Variants in NRXN3 observed in about 807,000 individuals in gnomAD.
The protein encoded by NRXN3 is neurexin III.
A neutral mutation model predicts 137.6 loss-of-function variants in NRXN3; 32 were observed. The ratio of observed to expected loss-of-function variants is 0.23; its 90% CI spans 0.18 to 0.31. NRXN3 has a LOEUF of 0.31. Ranked by LOEUF, NRXN3 falls within the 10% of genes least tolerant of loss-of-function variation. NRXN3 has a pLI of 1.00. For synonymous variants in NRXN3, 798 were observed against 784.5 expected, an observed-to-expected ratio of 1.02 and a Z score of -0.29; for missense variants, 1,574 against 2,062.5, an observed-to-expected ratio of 0.76 and a Z score of 4.59.
At position 78,775,679 on chromosome 14, in the gene NRXN3, G is replaced by T. The variant is rs75514028; in HGVS notation, c.2045-27941G>T. ...TGATGTGGAAAATAACTAATTGTGG[G>T]TTATATCATAAACTATTCTCTTTTT... On this transcript the variant is annotated intron_variant, in intron 8 of 20. Coordinates refer to ENST00000335750, the MANE Select transcript of NRXN3 (RefSeq NM_001330195.2). 3.5e-3 allele frequency among the ~76,000 whole-genome samples: 527 copies of T among 152,226 alleles called. 17 individuals are homozygous for T. The East Asian group carries it at 0.059, about 17-fold the overall frequency.
At chr14:78,521,461 A>G (rs1006418964) in intron 4 of NRXN3, among the ~76,000 whole-genome samples, 1 of 152,210 alleles carries the variant, frequency 6.6e-6, no homozygotes, top group African/African-American at 2.4e-5. Context: ...AGTCACATAT[A>G]CAGAGAGCTA....
At position 78,812,725 on chromosome 14, in the gene NRXN3, C is replaced by T. The variant is rs185804945; in HGVS notation, c.2275+2381C>T. ...AAAATATGTCAGCAAAGTTATATTC[C>T]CAGCTTTGATCACAAAGTATAGAAA... On this transcript the variant is annotated intron_variant, in intron 10 of 20. Transcript: ENST00000335750. Among the ~76,000 whole-genome samples, 4 of 152,206 alleles carry T rather than the reference C, an allele frequency of 2.6e-5. No homozygotes were observed. In the East Asian group the frequency reaches 7.7e-4, roughly 29 times the overall value.
At chr14:79,467,195 G>A in intron 15 of NRXN3, 26 bp from the exon 16 acceptor site, 1 of 1,580,412 alleles carries the variant, frequency 6.3e-7, no homozygotes, top group Non-Finnish European at 8.7e-7. Flanking sequence ...GTGCCTTGAT[G>A]TCTCCCTCTC....
chr14:78,331,510 G>A lies in NRXN3; in HGVS notation c.757+33650G>A, dbSNP rs527739299. On this transcript the variant is annotated intron_variant, in intron 4 of 20. Coordinates refer to ENST00000335750, the MANE Select transcript of NRXN3 (RefSeq NM_001330195.2). ...GGGGGCAGAGAACGTGGCCGCATGAGGTAGCTCCAATCTCAGCAACATAAA... is the reference window on the plus strand; with the variant it reads ...GGGGGCAGAGAACGTGGCCGCATGAAGTAGCTCCAATCTCAGCAACATAAA... 2.8e-4 allele frequency among the ~76,000 whole-genome samples: 43 copies of A among 152,288 alleles called. 1 individual carries two copies. The South Asian group carries it at 8.9e-3, about 32-fold the overall frequency.
At chr14:78,391,741 T>A (rs1434672193) in intron 4 of NRXN3, among the ~76,000 whole-genome samples, 1 of 152,216 alleles carries the variant, frequency 6.6e-6, no homozygotes, top group Non-Finnish European at 1.5e-5. Context: ...GCAAAGGAAT[T>A]ATTTTAAAAG....
At chr14:79,301,673 G>T (rs533750163) in intron 15 of NRXN3, among the ~76,000 whole-genome samples, 29 of 152,050 alleles carry the variant, frequency 1.9e-4, no homozygotes, top group African/African-American at 6.7e-4. Flanking sequence ...AATCATTTGG[G>T]CTTGCAGAAA....
intron 19 of NRXN3, among the ~76,000 whole-genome samples, chr14:79,795,572 C>T (rs561144973): frequency 1.5e-4 from 23 of 152,284 alleles, no homozygotes; most frequent in Middle Eastern, 3.4e-3. Flanking sequence ...ATAGTTCTGT[C>T]TCAAACTTAC....
At chr14:78,861,332 C>CTA (rs1361031935) in intron 10 of NRXN3, among the ~76,000 whole-genome samples, 1 of 152,108 alleles carries the variant, frequency 6.6e-6, no homozygotes, top group Non-Finnish European at 1.5e-5. Context: ...TTTCTATTAT[C>CTA]TATATATACC....
At chr14:78,445,800 C>T (rs1259745996) in intron 4 of NRXN3, among the ~76,000 whole-genome samples, 2 of 152,112 alleles carry the variant, frequency 1.3e-5, no homozygotes, top group Non-Finnish European at 2.9e-5. Flanking sequence ...GGTCTCTTCT[C>T]AATGGAATAA....
rs1467425225 is a variant in NRXN3 at position 78,517,052 on chromosome 14, T to A, written c.758-128068T>A. Reference sequence around the variant, plus strand: ...TATGGAGTACAGAGAAGTTGATGGCTTCAGGCACAAGTGAGAAAGTATTTT... The same window carrying A: ...TATGGAGTACAGAGAAGTTGATGGCATCAGGCACAAGTGAGAAAGTATTTT... On this transcript the variant is annotated intron_variant, in intron 4 of 20. Transcript: ENST00000335750. Among the ~76,000 whole-genome samples, 7 of 152,268 alleles carry A rather than the reference T, an allele frequency of 4.6e-5. 1 individual carries two copies. The East Asian group carries it at 1.4e-3, about 29-fold the overall frequency.
At chr14:79,801,627 C>T (rs2099181407) in intron 19 of NRXN3, among the ~76,000 whole-genome samples, 1 of 152,164 alleles carries the variant, frequency 6.6e-6, no homozygotes, top group African/African-American at 2.4e-5. Context: ...TGTCTAGGGC[C>T]AGGCCCATTC....
chr14:79,769,707 T>C (rs1194955285), intron 19 of NRXN3, among the ~76,000 whole-genome samples: 2 of 149,534 alleles, frequency 1.3e-5, no homozygotes, highest in Non-Finnish European at 3.0e-5. Flanking sequence ...AGGAAGAAAC[T>C]GCATCAACTA....
At position 78,471,761 on chromosome 14, in the gene NRXN3, C is replaced by T. The variant is rs554934471; in HGVS notation, c.758-173359C>T. ...GTATAATTCTGTAGATCAGCTACCC[C>T]CCTAGAAAGTACTAAGGTAAATTTA... On this transcript the variant is annotated intron_variant, in intron 4 of 20. Transcript: ENST00000335750. Among the ~76,000 whole-genome samples the T allele has an allele frequency of 1.6e-4, 25 of 152,186 alleles. 1 individual carries two copies. The South Asian group carries it at 4.4e-3, about 27-fold the overall frequency.
intron 20 of NRXN3, chr14:79,854,276 T>A (rs906330445): frequency 2.6e-6 from 1 of 382,874 alleles, no homozygotes; most frequent in African/African-American, 2.2e-5. Context: ...TTTGCCTATA[T>A]GGAAATGATT....
intron 16 of NRXN3, among the ~76,000 whole-genome samples, chr14:79,470,494 A>T (rs1388984790): frequency 6.6e-6 from 1 of 152,126 alleles, no homozygotes; most frequent in African/African-American, 2.4e-5. Flanking sequence ...TTTTTAGGAT[A>T]GCATTAGGCA....
intron 8 of NRXN3, among the ~76,000 whole-genome samples, chr14:78,782,332 G>A (rs1452193900): frequency 6.6e-6 from 1 of 152,144 alleles, no homozygotes; most frequent in Non-Finnish European, 1.5e-5. Flanking sequence ...GTTTAATCGA[G>A]CTCTCCCACT....
chr14:78,888,848 T>C (rs75115731), intron 10 of NRXN3, among the ~76,000 whole-genome samples: 10 of 146,422 alleles, frequency 6.8e-5, no homozygotes, highest in South Asian at 2.2e-4. Flanking sequence ...ATCACACACA[T>C]ACACACACAC....
At chr14:78,381,105 A>T (rs2089012113) in intron 4 of NRXN3, among the ~76,000 whole-genome samples, 1 of 152,214 alleles carries the variant, frequency 6.6e-6, no homozygotes, top group African/African-American at 2.4e-5. Flanking sequence ...CACTGGCAAA[A>T]AAATGAACCT....
chr14:78,291,160 G>A (rs991499889), intron 3 of NRXN3, among the ~76,000 whole-genome samples: 1 of 152,206 alleles, frequency 6.6e-6, no homozygotes, highest in South Asian at 2.1e-4. Flanking sequence ...ACTAGAGGGG[G>A]TAACTGGTGT....
Sources: allele counts gnomAD v4.1 joint callset (sites outside exome capture counted in the v4.1 genomes callset), GRCh38; gene constraint gnomAD v4.1.1; transcripts MANE v1.5; gene names NCBI Gene and HGNC (gene_info 2026-07-23, HGNC 2026-07-21).